TEX26: variants seen among roughly 807,000 people sequenced by gnomAD.
The protein encoded by TEX26 is testis-expressed protein 26.
TEX26 carries 34 observed loss-of-function variants against 35.3 expected under a neutral mutation model. The ratio of observed to expected loss-of-function variants is 0.96; its 90% CI spans 0.73 to 1.28. TEX26 has a LOEUF of 1.28. Ranked by LOEUF, TEX26 falls within the 50% of genes most tolerant of loss-of-function variation. The pLI, the probability that TEX26 is intolerant of heterozygous loss-of-function variation, is 0.00. For missense variants in TEX26, 371 were observed against 330.1 expected (o/e 1.12, Z -0.96); for synonymous variants, 136 against 111.8 (o/e 1.22, Z -1.36).
At chr13:30,955,094 G>T (rs1954077650) in intron 3 of TEX26, among the ~76,000 whole-genome samples, 1 of 121,840 alleles carries the variant, frequency 8.2e-6, no homozygotes, top group Non-Finnish European at 1.7e-5. Flanking sequence ...TAATCTTTTG[G>T]CTTCCCTGGG....
chr13:30,932,799 T>C (rs1338465400), intron 1 of TEX26, 23 bp downstream of exon 1: 1 of 1,611,724 alleles, frequency 6.2e-7, no homozygotes, highest in African/African-American at 1.3e-5. Context: ...ACTCTGCCGG[T>C]CTGCGGGGCG....
chr13:30,966,261 G>T lies in TEX26; in HGVS notation c.509G>T (p.Trp170Leu). The T allele has an allele frequency of 6.2e-7, 1 of 1,613,894 alleles. No individual in the cohort carries two copies. The highest frequency in any genetic ancestry group is 1.1e-5 in the South Asian group (1 of 91,058). ...IKKSSHLSLEWKKLLPQPPDT... is the reference protein window; with the variant it reads ...IKKSSHLSLELKKLLPQPPDT... The stretch of plus-strand genomic sequence containing the variant: ...AAAAGTTCTCACTTGTCTCTGGAAT[G>T]GAAAAAGTTACTTCCCCAACCTCCA... Residue 170 changes from tryptophan to leucine, a missense_variant, in exon 5 of 7, where the codon TGG (tryptophan) becomes TTG (leucine). Coordinates refer to ENST00000380473, the MANE Select transcript of TEX26 (RefSeq NM_152325.3).
intron 6 of TEX26, among the ~76,000 whole-genome samples, chr13:30,970,840 A>G (rs1451923337): frequency 1.3e-5 from 2 of 152,214 alleles, no homozygotes; most frequent in Non-Finnish European, 2.9e-5. Context: ...ATTCTCCAAG[A>G]TACTGGGGTA....
chr13:30,969,005 C>T lies in TEX26; in HGVS notation c.767C>T (p.Ser256Phe), dbSNP rs2138342070. The change falls in exon 6 of 7, where the codon TCC (serine) becomes TTC (phenylalanine). Residue 256 changes from serine to phenylalanine, a missense_variant. Coordinates refer to ENST00000380473, the MANE Select transcript of TEX26 (RefSeq NM_152325.3). Reference sequence around the variant, plus strand: ...TTAATGCTTTTAAACTCATTTACTTCCTCTCAAGTCAAAGAGTACCTTCAG... The same window carrying T: ...TTAATGCTTTTAAACTCATTTACTTTCTCTCAAGTCAAAGAGTACCTTCAG... ...DFLMLLNSFTSSQVKEYLQSL... is the reference protein window; with the variant it reads ...DFLMLLNSFTFSQVKEYLQSL... The T allele has an allele frequency of 1.2e-6, 2 of 1,614,042 alleles. No individual in the cohort carries two copies. The highest frequency in any genetic ancestry group is 1.7e-6 in the Non-Finnish European group (2 of 1,179,936).
intron 2 of TEX26, among the ~76,000 whole-genome samples, chr13:30,942,468 T>G (rs1953550683): frequency 6.6e-6 from 1 of 152,286 alleles, no homozygotes; most frequent in Admixed American, 6.5e-5. Flanking sequence ...TTCTGTGGGT[T>G]GTCTGATTAT....
intron 4 of TEX26, 54 bp downstream of exon 4, chr13:30,957,083 T>G: frequency 6.4e-7 from 1 of 1,566,018 alleles, no homozygotes; most frequent in Non-Finnish European, 8.7e-7. Flanking sequence ...GCCCTGGAGT[T>G]GCAGTGGTCG....
chr13:30,968,917 C>G lies in TEX26; in HGVS notation c.679C>G (p.Gln227Glu). Residue 227 changes from glutamine to glutamate, a missense_variant, in exon 6 of 7, where the codon CAA becomes GAA. Physicochemically the swap from Gln to Glu is conservative, Grantham distance 29. Coordinates refer to ENST00000380473, the MANE Select transcript of TEX26 (RefSeq NM_152325.3). ...TGTGCTGCACAGCTACCTGAGGAAC[C>G]AAGAGCACACAAAGAAACAGACCAC... Reference protein sequence around the residue: ...PSVLHSYLRNQEHTKKQTTYQ... With the variant: ...PSVLHSYLRNEEHTKKQTTYQ... The G allele has an allele frequency of 6.2e-7, 1 of 1,613,984 alleles. No homozygotes were observed. The highest frequency in any genetic ancestry group is 8.5e-7 in the Non-Finnish European group (1 of 1,179,936).
At chr13:30,939,539 A>G (rs756620889) in intron 1 of TEX26, among the ~76,000 whole-genome samples, 155 bp from the exon 2 acceptor site, 13 of 152,326 alleles carry the variant, frequency 8.5e-5, no homozygotes, top group Middle Eastern at 3.4e-3. Flanking sequence ...CCTCATTCCT[A>G]TTAGAGGCTG....
intron 4 of TEX26, among the ~76,000 whole-genome samples, chr13:30,959,446 C>G (rs1394350989): frequency 6.6e-6 from 1 of 152,144 alleles, no homozygotes; most frequent in Non-Finnish European, 1.5e-5. Flanking sequence ...CTCACTGGCC[C>G]TCCATCCATC....
chr13:30,969,067 A>C lies in TEX26; in HGVS notation c.808+21A>C, dbSNP rs1259404396. The C allele has an allele frequency of 8.1e-6, 13 of 1,603,562 alleles. No individual in the cohort carries two copies. The Admixed American group carries it at 2.0e-4, about 25-fold the overall frequency. ...CAAAGGTAAGATGAGGTCTTATTTC[A>C]CACACTTACAGATCACAATACATTG... On this transcript the variant is annotated intron_variant, in intron 6 of 6. Coordinates refer to ENST00000380473, the MANE Select transcript of TEX26 (RefSeq NM_152325.3).
Position 30,975,161 on chromosome 13 carries a change from A to T in TEX26, c.*254A>T. 1 of 257,622 alleles carries T rather than the reference A, an allele frequency of 3.9e-6. No individual in the cohort carries two copies. Among genetic ancestry groups the T allele is most frequent in the Non-Finnish European group, 7.3e-6 (1 of 137,336 alleles). 16.0% of individuals were successfully genotyped at this position (257,622 alleles called of 1,614,324 possible). A position where few individuals can be genotyped will look rare whatever the true frequency, so the allele number is the denominator to read the frequency against. ...AATGTTTTTTTCTTTTCCCTTTTGG[A>T]TACTTAATTTGTAGTTTCAATTTTG... On this transcript the variant is annotated 3_prime_UTR_variant, in exon 7 of 7. Coordinates refer to ENST00000380473, the MANE Select transcript of TEX26 (RefSeq NM_152325.3).
chr13:30,946,502 A>T (rs544739003), intron 2 of TEX26, among the ~76,000 whole-genome samples: 2 of 151,982 alleles, frequency 1.3e-5, no homozygotes, highest in East Asian at 3.9e-4. Context: ...TCTTTTGGGG[A>T]TGTTATAGAA....
chr13:30,969,164 CT>C, intron 6 of TEX26, 118 bp downstream of exon 6: 1 of 817,896 alleles, frequency 1.2e-6, no homozygotes, highest in South Asian at 2.7e-5. Flanking sequence ...AAAACATTGC[CT>C]CAAAAAAAAA....
intron 1 of TEX26, among the ~76,000 whole-genome samples, chr13:30,938,650 A>C (rs1953363643): frequency 6.6e-6 from 1 of 152,194 alleles, no homozygotes; most frequent in Non-Finnish European, 1.5e-5. Context: ...AGTTCCCAAT[A>C]CACAACATTT....
chr13:30,972,646 TG>T (rs1488946516), intron 6 of TEX26, among the ~76,000 whole-genome samples: 1 of 152,234 alleles, frequency 6.6e-6, no homozygotes, highest in East Asian at 1.9e-4. Context: ...GTTTTGTTTT[TG>T]TTTTTGAGAC....
At chr13:30,959,638 C>T (rs146578704) in intron 4 of TEX26, among the ~76,000 whole-genome samples, 2,670 of 152,210 alleles carry the variant, frequency 0.018, 88 homozygotes, top group African/African-American at 0.061. Context: ...TTTTTCTCTA[C>T]GTGTTTACTT....
At chr13:30,956,696 C>T (rs1007958965) in intron 3 of TEX26, among the ~76,000 whole-genome samples, 177 bp from the exon 4 acceptor site, 26 of 152,292 alleles carry the variant, frequency 1.7e-4, no homozygotes, top group African/African-American at 5.5e-4. Flanking sequence ...GTACAGAGCC[C>T]GCGTTTCGAC....
chr13:30,966,585 G>A (rs1026295937), intron 5 of TEX26, among the ~76,000 whole-genome samples, 187 bp downstream of exon 5: 18 of 151,720 alleles, frequency 1.2e-4, no homozygotes, highest in African/African-American at 3.1e-4. Context: ...TTACAGGTGC[G>A]CACCACCATG....
At chr13:30,966,428 T>TTC (rs747896427) in intron 5 of TEX26, 30 bp downstream of exon 5, 8 of 1,485,774 alleles carry the variant, frequency 5.4e-6, no homozygotes, top group Non-Finnish European at 3.6e-6. Context: ...CTTTTTCTTT[T>TTC]TCTCTTTTTT....
Sources: gnomAD v4.1 joint callset for allele counts (sites outside exome capture counted in the v4.1 genomes callset) on GRCh38, gnomAD v4.1.1 for gene constraint, MANE v1.5 for transcripts, NCBI Gene and HGNC (gene_info 2026-07-23, HGNC 2026-07-21) for gene names.